EEFSEC: variants seen among roughly 807,000 people sequenced by gnomAD.
EEFSEC encodes eukaryotic elongation factor, selenocysteine-tRNA specific.
Under a neutral mutation model 42.1 loss-of-function variants are expected in EEFSEC, and 43 were observed. The observed-to-expected ratio is 1.02, with a 90% CI of 0.80 to 1.32. The LOEUF (loss-of-function observed/expected upper bound fraction) is 1.32. Ranked by LOEUF, EEFSEC falls within the 40% of genes most tolerant of loss-of-function variation. The probability of loss-of-function intolerance (pLI) is 0.00; values close to 1 mark genes in which losing one functional copy is unlikely to be tolerated. For synonymous variants in EEFSEC, 354 were observed against 339.1 expected (o/e 1.04, Z -0.48); for missense variants, 745 against 803.6 (o/e 0.93, Z 0.88).
At chr3:128,402,274 A>C (rs1321665116) in intron 6 of EEFSEC, among the ~76,000 whole-genome samples, 2 of 152,238 alleles carry the variant, frequency 1.3e-5, no homozygotes, top group African/African-American at 4.8e-5. Flanking sequence ...GCTGCAGCAG[A>C]ATTCTTCCAA....
At chr3:128,312,886 T>C (rs2066905301) in intron 4 of EEFSEC, among the ~76,000 whole-genome samples, 1 of 152,242 alleles carries the variant, frequency 6.6e-6, no homozygotes, top group South Asian at 2.1e-4. Context: ...TAGAAAATTC[T>C]AAACTTCTAG....
At chr3:128,382,700 C>T (rs1035436088) in intron 6 of EEFSEC, among the ~76,000 whole-genome samples, 2 of 152,286 alleles carry the variant, frequency 1.3e-5, no homozygotes, top group African/African-American at 4.8e-5. Context: ...TCTTCCCCTA[C>T]CCCTGCCAAA....
intron 1 of EEFSEC, among the ~76,000 whole-genome samples, chr3:128,241,842 C>T (rs776021755): frequency 3.9e-5 from 6 of 152,164 alleles, no homozygotes; most frequent in Admixed American, 6.5e-5. Context: ...TCAGTGCAAT[C>T]CAATAACATA....
At chr3:128,164,838 G>A (rs1329312994) in intron 1 of EEFSEC, among the ~76,000 whole-genome samples, 5 of 152,160 alleles carry the variant, frequency 3.3e-5, no homozygotes, top group Non-Finnish European at 5.9e-5. Flanking sequence ...GTGGCTTTTA[G>A]TGAGCTCCCT....
intron 1 of EEFSEC, among the ~76,000 whole-genome samples, chr3:128,176,889 T>C (rs2107784662): frequency 6.6e-6 from 1 of 152,170 alleles, no homozygotes; most frequent in East Asian, 1.9e-4. Context: ...TAATAAAGAC[T>C]CCCGGCCTCA....
At chr3:128,403,952 G>A (rs1484382202) in intron 6 of EEFSEC, among the ~76,000 whole-genome samples, 1 of 152,222 alleles carries the variant, frequency 6.6e-6, no homozygotes, top group Non-Finnish European at 1.5e-5. Context: ...CATGGGAGCT[G>A]GGCCCTGGTC....
At chr3:128,312,417 C>T (rs919754563) in intron 4 of EEFSEC, among the ~76,000 whole-genome samples, 4 of 152,342 alleles carry the variant, frequency 2.6e-5, no homozygotes, top group Admixed American at 6.5e-5. Flanking sequence ...TACTTCCATG[C>T]GCAGAGGATG....
At chr3:128,374,664 A>G (rs1181277076) in intron 6 of EEFSEC, among the ~76,000 whole-genome samples, 1 of 151,434 alleles carries the variant, frequency 6.6e-6, no homozygotes, top group Admixed American at 6.6e-5. Context: ...TTCAGTGATC[A>G]AAGTTAGAAA....
chr3:128,190,256 A>T (rs2065509652), intron 1 of EEFSEC, among the ~76,000 whole-genome samples: 1 of 152,188 alleles, frequency 6.6e-6, no homozygotes. Context: ...TCATCACAGG[A>T]GGTGACAGCT....
intron 1 of EEFSEC, 86 bp from the exon 2 acceptor site, chr3:128,246,750 C>T (rs2066131838): frequency 2.9e-6 from 4 of 1,386,180 alleles, no homozygotes; most frequent in South Asian, 1.2e-5. Flanking sequence ...ACTTTTACTG[C>T]AGTGCTTTGA....
intron 6 of EEFSEC, among the ~76,000 whole-genome samples, chr3:128,364,417 G>A (rs771362779): frequency 3.9e-5 from 6 of 152,186 alleles, no homozygotes; most frequent in African/African-American, 7.2e-5. Context: ...AAGGGCGAGC[G>A]GGGAGCAGAA....
the EEFSEC span, among the ~76,000 whole-genome samples, chr3:128,420,521 G>T: frequency 4.6e-5 from 7 of 152,170 alleles, no homozygotes; most frequent in Non-Finnish European, 1.0e-4. Context: ...AGGCCTCCAC[G>T]CCTGGGATCC....
At chr3:128,405,017 CTTT>C (rs397794836) in intron 6 of EEFSEC, among the ~76,000 whole-genome samples, 1 of 140,438 alleles carries the variant, frequency 7.1e-6, no homozygotes, top group Non-Finnish European at 1.6e-5. Context: ...ACCCTTGTCA[CTTT>C]TTTTTTTTTT....
intron 4 of EEFSEC, among the ~76,000 whole-genome samples, chr3:128,298,929 A>G (rs1052275986): frequency 2.0e-5 from 3 of 152,194 alleles, no homozygotes; most frequent in Non-Finnish European, 4.4e-5. Context: ...ATAGTATTCC[A>G]TTGAGTACAT....
At chr3:128,193,796 G>A (rs917228604) in intron 1 of EEFSEC, among the ~76,000 whole-genome samples, 1 of 152,154 alleles carries the variant, frequency 6.6e-6, no homozygotes, top group Admixed American at 6.5e-5. Context: ...TCTCCTAGTT[G>A]CTCGGCTGTC....
intron 2 of EEFSEC, among the ~76,000 whole-genome samples, chr3:128,256,049 G>A (rs1031977317): frequency 5.3e-5 from 8 of 152,054 alleles, no homozygotes; most frequent in African/African-American, 1.4e-4. Flanking sequence ...AGTGAGGGAC[G>A]TGCACCACAT....
intron 1 of EEFSEC, among the ~76,000 whole-genome samples, chr3:128,175,976 A>G (rs887005113): frequency 5.3e-5 from 8 of 152,210 alleles, no homozygotes; most frequent in African/African-American, 7.2e-5. Flanking sequence ...CAGTTTTCTC[A>G]TCTTCAAAAT....
At chr3:128,313,028 G>T (rs115119067) in intron 4 of EEFSEC, among the ~76,000 whole-genome samples, 1 of 152,182 alleles carries the variant, frequency 6.6e-6, no homozygotes, top group Non-Finnish European at 1.5e-5. Flanking sequence ...AGTAGCCTCC[G>T]TAGGTCTCAG....
chr3:128,342,641 C>T (rs1446644960), intron 5 of EEFSEC, among the ~76,000 whole-genome samples: 2 of 152,140 alleles, frequency 1.3e-5, no homozygotes, highest in African/African-American at 2.4e-5. Flanking sequence ...CCTTGCTGGG[C>T]GGCCCTTGGC....
Sources: allele counts gnomAD v4.1 joint callset (sites outside exome capture counted in the v4.1 genomes callset), GRCh38; gene constraint gnomAD v4.1.1; transcripts MANE v1.5; gene names NCBI Gene and HGNC (gene_info 2026-07-23, HGNC 2026-07-21).